Variants in LRMDA observed in about 807,000 individuals in gnomAD.
The protein encoded by LRMDA is leucine-rich melanocyte differentiation-associated protein.
A neutral mutation model predicts 29.8 loss-of-function variants in LRMDA; 18 were observed. That is an observed-to-expected ratio of 0.60 (90% CI 0.42 to 0.90). The LOEUF (loss-of-function observed/expected upper bound fraction) is 0.90, where lower values mean the gene tolerates loss of function less well. Ranked by LOEUF, LRMDA falls within the 40% of genes least tolerant of loss-of-function variation. The pLI is 0.00. For missense variants in LRMDA, 273 were observed against 273.9 expected (o/e 1.00, Z 0.02); for synonymous variants, 125 against 109.4 (o/e 1.14, Z -0.89).
At chr10:75,598,423 C>G (rs912762177) in intron 2 of LRMDA, among the ~76,000 whole-genome samples, 4 of 152,064 alleles carry the variant, frequency 2.6e-5, no homozygotes, top group East Asian at 1.9e-4. Flanking sequence ...CTGGCCTTAC[C>G]TCTCTTTTAA....
intron 5 of LRMDA, among the ~76,000 whole-genome samples, chr10:76,111,152 A>G (rs1849572429): frequency 6.6e-6 from 1 of 152,170 alleles, no homozygotes; most frequent in African/African-American, 2.4e-5. Flanking sequence ...GCCTTCCTCC[A>G]AGACCAGACC....
chr10:76,532,884 C>G (rs1843249184), intron 6 of LRMDA, among the ~76,000 whole-genome samples: 1 of 152,148 alleles, frequency 6.6e-6, no homozygotes, highest in South Asian at 2.1e-4. Flanking sequence ...TTAGTTATCA[C>G]AGTTCTTCTA....
intron 2 of LRMDA, among the ~76,000 whole-genome samples, chr10:75,490,730 A>G (rs9416062): frequency 0.83 from 126,139 of 152,140 alleles, 52,575 homozygotes; most frequent in Admixed American, 0.87. Flanking sequence ...ATGTTTTTCC[A>G]TCTATGTGAC....
chr10:76,063,077 A>T (rs1172452250), intron 5 of LRMDA, among the ~76,000 whole-genome samples: 2 of 152,212 alleles, frequency 1.3e-5, no homozygotes, highest in Admixed American at 1.3e-4. Context: ...CATTTCTTTG[A>T]CATAATTATT....
At position 75,719,373 on chromosome 10, in the gene LRMDA, G is replaced by A. The variant is rs556154686; in HGVS notation, c.131+280879G>A. On this transcript the variant is annotated intron_variant, in intron 2 of 6. Transcript: ENST00000611255. ...ACCAGGAGTGGTTTTGTGTGACAAG[G>A]TAACCAGCTGTTCTCCATCTTAACC... Among the ~76,000 whole-genome samples the A allele has an allele frequency of 5.3e-5, 8 of 152,330 alleles. No homozygotes were observed. In the South Asian group the frequency reaches 1.7e-3, roughly 32 times the overall value.
Position 76,365,107 on chromosome 10 carries a change from T to TATATACACACAC in LRMDA, c.601+40623_601+40624insTATACACACACA, listed in dbSNP as rs141131236. Among the ~76,000 whole-genome samples the TATATACACACAC allele has an allele frequency of 7.4e-3, 452 of 61,244 alleles. 18 individuals carry two copies. Among genetic ancestry groups the TATATACACACAC allele is most frequent in the East Asian group, 0.018 (72 of 4,000 alleles). The allele number at this position is 61,244 out of a possible 152,430, so 40.2% of individuals were successfully genotyped here. A position where few individuals can be genotyped will look rare whatever the true frequency, so the allele number is the denominator to read the frequency against. ...ACACATATATATATATATATATATA[T>TATATACACACAC]ACACACACACACATACACACCACAG... On this transcript the variant is annotated intron_variant, in intron 6 of 6. Transcript: ENST00000611255.
intron 2 of LRMDA, among the ~76,000 whole-genome samples, chr10:75,654,397 G>A (rs912769166): frequency 6.6e-6 from 1 of 152,138 alleles, no homozygotes; most frequent in African/African-American, 2.4e-5. Flanking sequence ...TCTTACCCAG[G>A]AGTATATTAA....
intron 5 of LRMDA, among the ~76,000 whole-genome samples, chr10:76,287,483 C>G (rs1176245322): frequency 6.6e-6 from 1 of 151,954 alleles, no homozygotes; most frequent in African/African-American, 2.4e-5. Context: ...TAACTTGACT[C>G]TAAGCAATTT....
chr10:76,387,401 G>A (rs926029495), intron 6 of LRMDA, among the ~76,000 whole-genome samples: 2 of 152,072 alleles, frequency 1.3e-5, no homozygotes, highest in Non-Finnish European at 2.9e-5. Context: ...AGGAGTTTGA[G>A]ACCAGCCCGG....
chr10:76,448,056 A>G (rs1460337659), intron 6 of LRMDA, among the ~76,000 whole-genome samples: 6 of 152,194 alleles, frequency 3.9e-5, no homozygotes, highest in Non-Finnish European at 8.8e-5. Flanking sequence ...TAAAGAGTTT[A>G]TTTTGATAGT....
At chr10:75,487,760 T>C (rs998226832) in intron 2 of LRMDA, among the ~76,000 whole-genome samples, 2 of 152,130 alleles carry the variant, frequency 1.3e-5, no homozygotes, top group Non-Finnish European at 2.9e-5. Flanking sequence ...GTGCTGAGTG[T>C]GTGAGTGGTC....
At chr10:75,825,488 C>T (rs778678164) in intron 2 of LRMDA, among the ~76,000 whole-genome samples, 5 of 152,084 alleles carry the variant, frequency 3.3e-5, no homozygotes, top group Admixed American at 6.5e-5. Flanking sequence ...ATTTAGAAGA[C>T]GTGCTCATTT....
chr10:76,134,035 A>G (rs772672355), intron 5 of LRMDA, among the ~76,000 whole-genome samples: 14 of 152,144 alleles, frequency 9.2e-5, no homozygotes, highest in Non-Finnish European at 1.3e-4. Context: ...AACAAAGTCC[A>G]GGAACAGAGA....
At chr10:75,980,876 T>G (rs1332533696) in intron 2 of LRMDA, among the ~76,000 whole-genome samples, 1 of 152,208 alleles carries the variant, frequency 6.6e-6, no homozygotes, top group African/African-American at 2.4e-5. Context: ...GCAACCAGAA[T>G]GAAACTAGTC....
At chr10:75,445,605 G>C (rs1183492824) in intron 2 of LRMDA, among the ~76,000 whole-genome samples, 1 of 152,210 alleles carries the variant, frequency 6.6e-6, no homozygotes, top group African/African-American at 2.4e-5. Flanking sequence ...ATGCAAAGAG[G>C]ACATTTTAAT....
intron 5 of LRMDA, among the ~76,000 whole-genome samples, chr10:76,301,358 G>A (rs2132361682): frequency 6.6e-6 from 1 of 152,310 alleles, no homozygotes; most frequent in Non-Finnish European, 1.5e-5. Flanking sequence ...GCTGCCAAGA[G>A]GAATAATTAG....
At chr10:76,457,365 C>G (rs528393282) in intron 6 of LRMDA, among the ~76,000 whole-genome samples, 1 of 152,272 alleles carries the variant, frequency 6.6e-6, no homozygotes, top group East Asian at 1.9e-4. Context: ...TAGTCATGCA[C>G]AAAGCAGTGA....
chr10:75,710,597 G>A (rs1432976965), intron 2 of LRMDA, among the ~76,000 whole-genome samples: 1 of 152,200 alleles, frequency 6.6e-6, no homozygotes, highest in Non-Finnish European at 1.5e-5. Flanking sequence ...TTTTGCTGCT[G>A]CCTTTTTCCC....
intron 5 of LRMDA, among the ~76,000 whole-genome samples, chr10:76,252,833 T>G (rs1852509166): frequency 6.6e-6 from 1 of 152,208 alleles, no homozygotes; most frequent in Non-Finnish European, 1.5e-5. Context: ...TTAGAAAAAC[T>G]TGTAATCGCC....
Sources: allele counts gnomAD v4.1 joint callset (sites outside exome capture counted in the v4.1 genomes callset), GRCh38; gene constraint gnomAD v4.1.1; transcripts MANE v1.5; gene names NCBI Gene and HGNC (gene_info 2026-07-23, HGNC 2026-07-21).